THRAP3: variants seen among roughly 807,000 people sequenced by gnomAD.
THRAP3 encodes thyroid hormone receptor associated protein 3.
THRAP3 carries 16 observed loss-of-function variants against 101.0 expected under a neutral mutation model. That is an observed-to-expected ratio of 0.16 (90% CI 0.11 to 0.24). The LOEUF is 0.24. THRAP3 is among the 10% of genes least tolerant of loss of function. The pLI, the probability that THRAP3 is intolerant of heterozygous loss-of-function variation, is 1.00. For missense variants in THRAP3, 989 were observed against 1,202.7 expected (o/e 0.82, Z 2.63); for synonymous variants, 407 against 422.6 (o/e 0.96, Z 0.45).
At chr1:36,276,348 C>A (rs1437828332) in intron 2 of THRAP3, among the ~76,000 whole-genome samples, 1 of 151,094 alleles carries the variant, frequency 6.6e-6, no homozygotes, top group Non-Finnish European at 1.5e-5. Context: ...CACGGTGAAA[C>A]CCCGTTTCTA....
Position 36,289,741 on chromosome 1 carries a change from C to T in THRAP3, c.1722C>T (p.Asp574=). 6.2e-7 allele frequency: 1 copy of T among 1,611,158 alleles called. No homozygotes were observed. Among genetic ancestry groups the T allele is most frequent in the Non-Finnish European group, 8.5e-7 (1 of 1,178,810 alleles). ...TREAQVNVRM[D]SFDEDLARPS... ...AGGCACAGGTCAATGTCCGGATGGA[C>T]TCTTTTGATGAGGACCTCGCACGGT... Residue 574 remains aspartate, a synonymous_variant, in exon 5 of 12, where the codon GAC becomes GAT. Coordinates refer to ENST00000354618, the MANE Select transcript of THRAP3 (RefSeq NM_005119.4).
At chr1:36,220,257 T>C (rs1356486201), upstream of THRAP3, among the ~76,000 whole-genome samples, 1 of 152,230 alleles carries the variant, frequency 6.6e-6, no homozygotes, top group Non-Finnish European at 1.5e-5. Context: ...CCTGCCAAAA[T>C]GTTGGGATTA....
At chr1:36,237,782 C>T (rs1452739245) in intron 1 of THRAP3, among the ~76,000 whole-genome samples, 1 of 151,036 alleles carries the variant, frequency 6.6e-6, no homozygotes. Flanking sequence ...ACAAAACAAA[C>T]AAACAAAAAA....
At chr1:36,233,977 A>G (rs939784723) in intron 1 of THRAP3, among the ~76,000 whole-genome samples, 3 of 151,736 alleles carry the variant, frequency 2.0e-5, no homozygotes, top group East Asian at 3.9e-4. Context: ...TTATTTTGAG[A>G]TAGGGTCTTG....
intron 5 of THRAP3, 111 bp from the exon 6 acceptor site, chr1:36,291,263 G>GA: frequency 1.7e-6 from 2 of 1,166,504 alleles, no homozygotes; most frequent in South Asian, 3.3e-5. Context: ...TCGGTAGGAA[G>GA]AAAAGAAGTT....
chr1:36,286,329 C>G lies in THRAP3; in HGVS notation c.138-39C>G, dbSNP rs1395459717. 2 of 1,521,784 alleles carry G rather than the reference C, an allele frequency of 1.3e-6. No homozygotes were observed. The highest frequency in any genetic ancestry group is 4.5e-5 in the Admixed American group (2 of 44,462). The allele number at this position is 1,521,784 out of a possible 1,614,324, so 94.3% of individuals were successfully genotyped here. On this transcript the variant is annotated intron_variant, in intron 3 of 11. Coordinates refer to ENST00000354618, the MANE Select transcript of THRAP3 (RefSeq NM_005119.4). This position sits in a 1 kb window ranked among gnomAD's most constrained non-coding sequence, Gnocchi z 5.5. ...TTTTCTTGAATAAAAATGCTTGTGT[C>G]AAAAATTCAAACATTTGTCTCTTTC... is the stretch of plus-strand genomic sequence containing the variant.
intron 1 of THRAP3, among the ~76,000 whole-genome samples, chr1:36,258,681 ATAT>A (rs1343948604): frequency 3.9e-5 from 6 of 152,090 alleles, no homozygotes; most frequent in Non-Finnish European, 8.8e-5. Context: ...GGATTCCACC[ATAT>A]TAGCCAGGAT....
Position 36,286,571 on chromosome 1 carries a change from A to G in THRAP3, c.341A>G (p.Tyr114Cys). ...AACTACCGCTCAAATTGGCAGAATTACCGGCAAGCATACAGTCCTCGTCGA... is the reference window on the plus strand; with the variant it reads ...AACTACCGCTCAAATTGGCAGAATTGCCGGCAAGCATACAGTCCTCGTCGA... ...YGNYRSNWQN[Y>C]RQAYSPRRGR... The change falls in exon 4 of 12, where the codon TAC becomes TGC. Residue 114 changes from tyrosine to cysteine, a missense_variant. Coordinates refer to ENST00000354618, the MANE Select transcript of THRAP3 (RefSeq NM_005119.4). This position sits in a 1 kb window ranked among gnomAD's most constrained non-coding sequence, Gnocchi z 5.5. The G allele has an allele frequency of 6.2e-7, 1 of 1,614,168 alleles. No homozygotes were observed. The highest frequency in any genetic ancestry group is 1.1e-5 in the South Asian group (1 of 91,076).
upstream of THRAP3, among the ~76,000 whole-genome samples, chr1:36,220,848 G>A (rs1253640546): frequency 1.3e-5 from 2 of 150,784 alleles, no homozygotes; most frequent in Non-Finnish European, 1.5e-5. Context: ...TCAGCTACTC[G>A]GGAGACTGAG....
At chr1:36,209,216 G>T in the THRAP3 span, among the ~76,000 whole-genome samples, 2 of 151,926 alleles carry the variant, frequency 1.3e-5, no homozygotes, top group African/African-American at 4.8e-5. Flanking sequence ...GGTCTCAAGT[G>T]ATCCTCCCAC....
intron 8 of THRAP3, among the ~76,000 whole-genome samples, chr1:36,295,541 G>GC (rs1175901289): frequency 1.4e-5 from 1 of 70,896 alleles, no homozygotes; most frequent in East Asian, 6.3e-4. Flanking sequence ...CAGCAGAGAA[G>GC]TTTTTTCCTT....
intron 1 of THRAP3, among the ~76,000 whole-genome samples, chr1:36,250,263 G>GA (rs1036982749): frequency 6.6e-6 from 1 of 150,750 alleles, no homozygotes; most frequent in African/African-American, 2.4e-5. Context: ...GCCCAGGCTG[G>GA]AGGGCAGTGG....
At position 36,292,858 on chromosome 1, in the gene THRAP3, T is replaced by A; in HGVS notation, c.2030+149T>A. Reference sequence around the variant, plus strand: ...ACTCTAAGAGAGCTATAGGCATTTATATTTGAGAGTGTACAGGACATGCTT... The same window carrying A: ...ACTCTAAGAGAGCTATAGGCATTTAAATTTGAGAGTGTACAGGACATGCTT... On this transcript the variant is annotated intron_variant, in intron 7 of 11. Coordinates refer to ENST00000354618, the MANE Select transcript of THRAP3 (RefSeq NM_005119.4). 1.0e-5 allele frequency: 6 copies of A among 599,450 alleles called. No homozygotes were observed. In the South Asian group the frequency reaches 1.4e-4, roughly 14 times the overall value. The allele number at this position is 599,450 out of a possible 1,614,324, so 37.1% of individuals were successfully genotyped here. A position where few individuals can be genotyped will look rare whatever the true frequency, so the allele number is the denominator to read the frequency against.
intron 1 of THRAP3, among the ~76,000 whole-genome samples, chr1:36,241,428 T>TATATATAC (rs1287287207): frequency 1.5e-5 from 2 of 137,856 alleles, no homozygotes; most frequent in African/African-American, 2.9e-5. Context: ...TATATATATA[T>TATATATAC]ACACATATAT....
chr1:36,282,395 A>ATT (rs1557444240), intron 2 of THRAP3, 138 bp from the exon 3 acceptor site: 139 of 598,024 alleles, frequency 2.3e-4, no homozygotes, highest in South Asian at 3.5e-4. Context: ...ATTAAAAAAA[A>ATT]ATTTTTTTTT....
At chr1:36,243,275 G>A (rs1387485655) in intron 1 of THRAP3, among the ~76,000 whole-genome samples, 1 of 150,994 alleles carries the variant, frequency 6.6e-6, no homozygotes, top group Non-Finnish European at 1.5e-5. Flanking sequence ...CAGGACAATA[G>A]TGGAGGGAAG....
chr1:36,301,782 A>T, intron 11 of THRAP3, 86 bp downstream of exon 11: 1 of 1,500,470 alleles, frequency 6.7e-7, no homozygotes, highest in Non-Finnish European at 9.0e-7. Flanking sequence ...GTTTGTCCAA[A>T]ACTGCGATTA....
chr1:36,235,465 C>T (rs1307416039), intron 1 of THRAP3, among the ~76,000 whole-genome samples: 1 of 152,038 alleles, frequency 6.6e-6, no homozygotes. Flanking sequence ...TGTAATTATT[C>T]AGTAAATGGT....
the THRAP3 span, among the ~76,000 whole-genome samples, chr1:36,219,138 A>G: frequency 6.6e-6 from 1 of 152,168 alleles, no homozygotes; most frequent in African/African-American, 2.4e-5. Context: ...AGTGACCTAC[A>G]AAGAAGATCA....
Sources: allele counts gnomAD v4.1 joint callset (sites outside exome capture counted in the v4.1 genomes callset), GRCh38; gene constraint gnomAD v4.1.1; non-coding constraint Gnocchi (gnomAD v3.1); transcripts MANE v1.5; gene names NCBI Gene and HGNC (gene_info 2026-07-23, HGNC 2026-07-21).